Variants in HS6ST3 observed in about 807,000 individuals in gnomAD.
The protein encoded by HS6ST3 is heparan sulfate 6-O-sulfotransferase 3.
Under a neutral mutation model 36.7 loss-of-function variants are expected in HS6ST3, and 12 were observed. That is an observed-to-expected ratio of 0.33 (90% confidence interval 0.21 to 0.53). The LOEUF (loss-of-function observed/expected upper bound fraction) is 0.53, where lower values mean the gene tolerates loss of function less well. Ranked by LOEUF, HS6ST3 falls within the 20% of genes least tolerant of loss-of-function variation. The pLI, the probability that HS6ST3 is intolerant of heterozygous loss-of-function variation, is 0.95. For synonymous variants in HS6ST3, 240 were observed against 257.5 expected (o/e 0.93, Z 0.65); for missense variants, 584 against 640.9 (o/e 0.91, Z 0.96).
intron 1 of HS6ST3, among the ~76,000 whole-genome samples, chr13:96,606,615 G>A (rs1024797296): frequency 7.7e-6 from 1 of 129,182 alleles, no homozygotes; most frequent in Non-Finnish European, 1.7e-5. Context: ...GGGAGGGAGG[G>A]AGGGAGGGAG....
At chr13:96,160,674 G>T (rs528589683) in intron 1 of HS6ST3, among the ~76,000 whole-genome samples, 10 of 152,306 alleles carry the variant, frequency 6.6e-5, no homozygotes, top group Admixed American at 6.5e-4. Flanking sequence ...TTCCCTTATA[G>T]CTTGGGGCTA....
intron 1 of HS6ST3, among the ~76,000 whole-genome samples, chr13:96,476,347 G>A (rs549727717): frequency 6.6e-6 from 1 of 152,024 alleles, no homozygotes; most frequent in Non-Finnish European, 1.5e-5. Context: ...GATTCCTTGA[G>A]ACAGTTTTCT....
chr13:96,327,727 G>A (rs527716616), intron 1 of HS6ST3, among the ~76,000 whole-genome samples: 1 of 152,196 alleles, frequency 6.6e-6, no homozygotes, highest in South Asian at 2.1e-4. Flanking sequence ...AAAGTCATTG[G>A]TGGCTTGATG....
chr13:96,825,348 C>T (rs1228435498), intron 1 of HS6ST3, among the ~76,000 whole-genome samples: 2 of 152,152 alleles, frequency 1.3e-5, no homozygotes, highest in African/African-American at 4.8e-5. Context: ...AAGATACTAG[C>T]TCTGCCTTTT....
At chr13:96,558,152 A>G (rs181591919) in intron 1 of HS6ST3, among the ~76,000 whole-genome samples, 1 of 151,988 alleles carries the variant, frequency 6.6e-6, no homozygotes. Context: ...TTACATTCCT[A>G]TTTTATAAAT....
At chr13:96,388,201 A>G (rs985004224) in intron 1 of HS6ST3, among the ~76,000 whole-genome samples, 5 of 152,240 alleles carry the variant, frequency 3.3e-5, no homozygotes, top group African/African-American at 9.6e-5. Context: ...AACAAATTCT[A>G]TATGGCTATC....
At chr13:96,665,641 A>T (rs2056661144) in intron 1 of HS6ST3, among the ~76,000 whole-genome samples, 1 of 152,186 alleles carries the variant, frequency 6.6e-6, no homozygotes, top group Non-Finnish European at 1.5e-5. Context: ...AGCTAAACCT[A>T]TGAAAATAGC....
intron 1 of HS6ST3, among the ~76,000 whole-genome samples, chr13:96,343,027 C>T (rs1352150461): frequency 6.6e-6 from 1 of 152,214 alleles, no homozygotes; most frequent in Non-Finnish European, 1.5e-5. Context: ...GCCAAACTAG[C>T]TGTGGTGTCA....
intron 1 of HS6ST3, among the ~76,000 whole-genome samples, chr13:96,178,938 G>A (rs1410106): frequency 0.046 from 7,019 of 152,246 alleles, 272 homozygotes; most frequent in Admixed American, 0.12. Context: ...AATTACATTG[G>A]CATTGGGCCA....
At chr13:96,654,305 T>G (rs980727878) in intron 1 of HS6ST3, among the ~76,000 whole-genome samples, 1 of 152,192 alleles carries the variant, frequency 6.6e-6, no homozygotes, top group East Asian at 1.9e-4. Flanking sequence ...CTGAATGGTA[T>G]TGCCTAGGTT....
At chr13:96,179,038 G>C (rs2139338853) in intron 1 of HS6ST3, among the ~76,000 whole-genome samples, 1 of 152,240 alleles carries the variant, frequency 6.6e-6, no homozygotes, top group Non-Finnish European at 1.5e-5. Flanking sequence ...TAAGTAATCG[G>C]GAACCAGGTT....
intron 1 of HS6ST3, among the ~76,000 whole-genome samples, chr13:96,664,289 G>A (rs536082248): frequency 1.2e-4 from 19 of 152,270 alleles, no homozygotes; most frequent in African/African-American, 4.3e-4. Context: ...TTTGCACAGT[G>A]CTTGATAGTA....
intron 1 of HS6ST3, among the ~76,000 whole-genome samples, chr13:96,349,879 G>A (rs952903914): frequency 1.1e-4 from 17 of 152,130 alleles, no homozygotes; most frequent in Admixed American, 2.6e-4. Flanking sequence ...TTCTTATCAG[G>A]AATAAAGGAA....
intron 1 of HS6ST3, among the ~76,000 whole-genome samples, chr13:96,544,421 T>C (rs1011551811): frequency 4.6e-5 from 7 of 152,198 alleles, no homozygotes; most frequent in Non-Finnish European, 5.9e-5. Flanking sequence ...AAGAATGAGT[T>C]GGTAGAAACC....
At chr13:96,699,190 G>T (rs1875214340) in intron 1 of HS6ST3, among the ~76,000 whole-genome samples, 1 of 152,122 alleles carries the variant, frequency 6.6e-6, no homozygotes, top group South Asian at 2.1e-4. Context: ...ATAGGTATGG[G>T]CAAGGACTTC....
chr13:96,616,127 G>A (rs1255971507), intron 1 of HS6ST3, among the ~76,000 whole-genome samples: 1 of 152,134 alleles, frequency 6.6e-6, no homozygotes, highest in Non-Finnish European at 1.5e-5. Context: ...TTTTTAGAAA[G>A]CAAGAATGGT....
intron 1 of HS6ST3, among the ~76,000 whole-genome samples, chr13:96,827,026 G>A (rs1244306127): frequency 1.3e-5 from 2 of 152,218 alleles, no homozygotes; most frequent in Non-Finnish European, 2.9e-5. Flanking sequence ...AAGATCTGCT[G>A]ACAGGATGCT....
At chr13:96,513,541 C>G (rs774319846) in intron 1 of HS6ST3, among the ~76,000 whole-genome samples, 1 of 152,050 alleles carries the variant, frequency 6.6e-6, no homozygotes, top group South Asian at 2.1e-4. Flanking sequence ...ATTTATCTTT[C>G]CCTTCCACTT....
intron 1 of HS6ST3, among the ~76,000 whole-genome samples, chr13:96,527,225 G>A (rs1443495691): frequency 6.6e-6 from 1 of 152,108 alleles, no homozygotes; most frequent in African/African-American, 2.4e-5. Context: ...AAGTTGTTGG[G>A]ATTACAGGTG....
Sources: gnomAD v4.1 joint callset for allele counts (sites outside exome capture counted in the v4.1 genomes callset) on GRCh38, gnomAD v4.1.1 for gene constraint, MANE v1.5 for transcripts, NCBI Gene and HGNC (gene_info 2026-07-23, HGNC 2026-07-21) for gene names.